Variants in AGAP1 observed in about 807,000 individuals in gnomAD.
AGAP1 encodes the protein ArfGAP with GTPase domain, ankyrin repeat and PH domain 1, also known as arf-GAP with GTPase, ANK repeat and PH domain-containing protein 1.
A neutral mutation model predicts 105.3 loss-of-function variants in AGAP1; 29 were observed. The observed-to-expected ratio is 0.28, with a 90% confidence interval of 0.21 to 0.38. AGAP1 has a LOEUF of 0.38. AGAP1 is among the 10% of genes least tolerant of loss of function. The pLI is 1.00. For synonymous variants in AGAP1, 509 were observed against 485.9 expected (o/e 1.05, Z -0.63); for missense variants, 998 against 1,165.1 (o/e 0.86, Z 2.09).
chr2:235,848,004 C>T (rs1186250131), intron 9 of AGAP1, among the ~76,000 whole-genome samples: 4 of 152,222 alleles, frequency 2.6e-5, no homozygotes, highest in Admixed American at 2.0e-4. Context: ...TTGGTCAGTT[C>T]TATAAGCAAA....
In AGAP1 at chr2:236,009,827, A is replaced by G. The variant is rs149486951; in HGVS notation, c.1646-26734A>G. Among the ~76,000 whole-genome samples the G allele has an allele frequency of 6.6e-5, 10 of 152,324 alleles. No homozygotes were observed. The highest frequency in any genetic ancestry group is 2.4e-4 in the African/African-American group (10 of 41,570). On this transcript the variant is annotated intron_variant, in intron 13 of 17. Coordinates refer to ENST00000304032, the MANE Select transcript of AGAP1 (RefSeq NM_001037131.3). The surrounding 1 kb of genome is among the most constrained non-coding windows in gnomAD (Gnocchi z 4.2). ...AACATGGCTGACGCGCCTTGGACAC[A>G]CAGCCTCGGCGCTGCATCATTTTTT...
At chr2:235,666,479 A>C (rs1466545409) in intron 1 of AGAP1, among the ~76,000 whole-genome samples, 1 of 152,096 alleles carries the variant, frequency 6.6e-6, no homozygotes, top group East Asian at 1.9e-4. Context: ...CTCTGTGACC[A>C]GGTTTTTCAG....
chr2:235,926,591 CTTTTG>C (rs1448070447), intron 11 of AGAP1, among the ~76,000 whole-genome samples: 2 of 152,160 alleles, frequency 1.3e-5, no homozygotes, highest in Non-Finnish European at 2.9e-5. Flanking sequence ...ACACAAAATA[CTTTTG>C]TTTTCTTTTG....
chr2:235,909,272 G>A (rs1432225931), intron 11 of AGAP1, among the ~76,000 whole-genome samples: 3 of 152,162 alleles, frequency 2.0e-5, no homozygotes, highest in African/African-American at 7.2e-5. Context: ...GTATGAAAGT[G>A]GAAAAACCAT....
At position 236,129,818 on chromosome 2, in the gene AGAP1, TG is replaced by T. The variant is rs2060059462; in HGVS notation, c.*5697del. The T allele has an allele frequency of 6.6e-6, 1 of 152,164 alleles. No individual in the cohort carries two copies. The highest frequency in any genetic ancestry group is 1.5e-5 in the Non-Finnish European group (1 of 68,042). 9.4% of individuals were successfully genotyped at this position (152,164 alleles called of 1,614,324 possible). Reference sequence around the variant, plus strand: ...AACCAACAAGTCTTTTTTAAATCTTTGAGTTGTATGAGAAAGTATTTAAGTT... The same window carrying T: ...AACCAACAAGTCTTTTTTAAATCTTTAGTTGTATGAGAAAGTATTTAAGTT... On this transcript the variant is annotated 3_prime_UTR_variant, in exon 18 of 18. Transcript: ENST00000304032. This position sits in a 1 kb window ranked among gnomAD's most constrained non-coding sequence, Gnocchi z 6.2.
Position 236,046,389 on chromosome 2 carries a change from A to G in AGAP1, c.1892-2670A>G, listed in dbSNP as rs1273428599. On this transcript the variant is annotated intron_variant, in intron 15 of 17. Coordinates refer to ENST00000304032, the MANE Select transcript of AGAP1 (RefSeq NM_001037131.3). This position sits in a 1 kb window ranked among gnomAD's most constrained non-coding sequence, Gnocchi z 5.2. Reference sequence around the variant, plus strand: ...AAGGCCGCAGACAGGAGCCCCTTGCACCCCAGTTGCGATGCTGGTGAGGAC... The same window carrying G: ...AAGGCCGCAGACAGGAGCCCCTTGCGCCCCAGTTGCGATGCTGGTGAGGAC... Among the ~76,000 whole-genome samples, 1 of 152,132 alleles carries G rather than the reference A, an allele frequency of 6.6e-6. No homozygotes were observed. The highest frequency in any genetic ancestry group is 1.5e-5 in the Non-Finnish European group (1 of 68,010).
chr2:235,946,594 G>A (rs999892622), intron 12 of AGAP1, among the ~76,000 whole-genome samples: 3 of 152,218 alleles, frequency 2.0e-5, no homozygotes, highest in Non-Finnish European at 4.4e-5. Flanking sequence ...GACACTCTCA[G>A]TGTGGAAACT....
intron 12 of AGAP1, among the ~76,000 whole-genome samples, chr2:235,943,042 A>G (rs1291276095): frequency 6.6e-6 from 1 of 152,242 alleles, no homozygotes; most frequent in Non-Finnish European, 1.5e-5. Context: ...TCCAACTGGA[A>G]ATAAAACTTT....
Position 235,747,443 on chromosome 2 carries a change from C to G in AGAP1, c.538+2604C>G, listed in dbSNP as rs190856295. On this transcript the variant is annotated intron_variant, in intron 5 of 17. Transcript: ENST00000304032. The surrounding 1 kb of genome is among the most constrained non-coding windows in gnomAD (Gnocchi z 5.0). The stretch of plus-strand genomic sequence containing the variant: ...GAGGTAAGTCAGCCCCACACCCTCC[C>G]GGGGTGAACAGGTAAGCTGGCCCCA... Among the ~76,000 whole-genome samples the G allele has an allele frequency of 2.6e-5, 4 of 152,034 alleles. No individual in the cohort carries two copies. The highest frequency in any genetic ancestry group is 2.6e-4 in the Admixed American group (4 of 15,270).
At chr2:235,880,258 C>T (rs1333774093) in intron 9 of AGAP1, among the ~76,000 whole-genome samples, 13 of 152,064 alleles carry the variant, frequency 8.5e-5, no homozygotes, top group Non-Finnish European at 1.6e-4. Context: ...GATTTCCTCA[C>T]GAAAGTACCT....
chr2:235,745,544 G>A (rs968895093), intron 5 of AGAP1, among the ~76,000 whole-genome samples: 4 of 152,194 alleles, frequency 2.6e-5, no homozygotes. Context: ...ATGGAGGTTA[G>A]CTTTACAACT....
intron 9 of AGAP1, among the ~76,000 whole-genome samples, chr2:235,841,845 T>C (rs1960889141): frequency 6.6e-6 from 1 of 152,174 alleles, no homozygotes; most frequent in Non-Finnish European, 1.5e-5. Context: ...TATAGGCTCA[T>C]CCAGGCCGCA....
Position 236,061,356 on chromosome 2 carries a change from C to T in AGAP1, c.2114+12075C>T, listed in dbSNP as rs898834050. ...CAGCCATTCCTCCCCCAGGTCTATA[C>T]CTAAGATAAATGAAAACACTTGTCC... is the stretch of plus-strand genomic sequence containing the variant. On this transcript the variant is annotated intron_variant, in intron 16 of 17. Coordinates refer to ENST00000304032, the MANE Select transcript of AGAP1 (RefSeq NM_001037131.3). The surrounding 1 kb of genome is among the most constrained non-coding windows in gnomAD (Gnocchi z 4.1). Among the ~76,000 whole-genome samples the T allele has an allele frequency of 6.6e-6, 1 of 152,130 alleles. No individual in the cohort carries two copies. The highest frequency in any genetic ancestry group is 1.5e-5 in the Non-Finnish European group (1 of 68,044).
rs7559822 is a variant in AGAP1 at position 235,889,428 on chromosome 2, C to G, written c.1155+5979C>G. 0.016 allele frequency among the ~76,000 whole-genome samples: 2,434 copies of G among 152,222 alleles called. 70 individuals are homozygous for G. Among genetic ancestry groups the G allele is most frequent in the African/African-American group, 0.055 (2,265 of 41,524 alleles). ...CAGAACTGGGGCAGCTTTCTACTTG[C>G]AGAAGATCATGACAAGGGACTTCAG... On this transcript the variant is annotated intron_variant, in intron 10 of 17. Transcript: ENST00000304032. The surrounding 1 kb of genome is among the most constrained non-coding windows in gnomAD (Gnocchi z 4.6).
intron 12 of AGAP1, among the ~76,000 whole-genome samples, chr2:235,955,385 T>A (rs1394284161): frequency 1.3e-5 from 2 of 152,106 alleles, no homozygotes; most frequent in Admixed American, 6.5e-5. Context: ...TACACACCGT[T>A]GGTGGGAGCA....
chr2:235,962,618 C>G lies in AGAP1; in HGVS notation c.1484-5844C>G, dbSNP rs903076605. ...GACCATGAGAGAGGGTGTCTGAGGT[C>G]CAGGGCAGAAGAGATTCATGAGGGT... On this transcript the variant is annotated intron_variant, in intron 12 of 17. Coordinates refer to ENST00000304032, the MANE Select transcript of AGAP1 (RefSeq NM_001037131.3). This position sits in a 1 kb window ranked among gnomAD's most constrained non-coding sequence, Gnocchi z 5.3. Among the ~76,000 whole-genome samples the G allele has an allele frequency of 6.6e-6, 1 of 151,860 alleles. No individual in the cohort carries two copies. Among genetic ancestry groups the G allele is most frequent in the African/African-American group, 2.4e-5 (1 of 41,314 alleles).
In AGAP1 at chr2:235,559,039, C is replaced by T. The variant is rs1944064449; in HGVS notation, c.163+64190C>T. ...CCAGGCTCAAGAAATTCTCCCACCT[C>T]AGCCTCCTAGGTAGCTGAGACTACA... On this transcript the variant is annotated intron_variant, in intron 1 of 17. Transcript: ENST00000304032. This position sits in a 1 kb window ranked among gnomAD's most constrained non-coding sequence, Gnocchi z 5.7. 6.6e-6 allele frequency among the ~76,000 whole-genome samples: 1 copy of T among 152,142 alleles called. No individual in the cohort carries two copies.
chr2:235,831,893 C>T (rs2106345235), intron 9 of AGAP1, among the ~76,000 whole-genome samples: 2 of 152,334 alleles, frequency 1.3e-5, no homozygotes, highest in South Asian at 4.1e-4. Context: ...GCCAAACAGT[C>T]TTCCAGAGTA....
At chr2:235,616,941 G>A (rs947351741) in intron 1 of AGAP1, among the ~76,000 whole-genome samples, 5 of 150,936 alleles carry the variant, frequency 3.3e-5, no homozygotes, top group African/African-American at 7.3e-5. Flanking sequence ...ATGAACAAAC[G>A]TGCATCTTTA....
Sources: allele counts gnomAD v4.1 joint callset (sites outside exome capture counted in the v4.1 genomes callset), GRCh38; gene constraint gnomAD v4.1.1; non-coding constraint Gnocchi (gnomAD v3.1); transcripts MANE v1.5; gene names NCBI Gene and HGNC (gene_info 2026-07-23, HGNC 2026-07-21).